Variants in SEC16B observed in about 807,000 individuals in gnomAD.
SEC16B encodes the protein protein transport protein Sec16B.
Under a neutral mutation model 141.8 loss-of-function variants are expected in SEC16B, and 115 were observed. That is an observed-to-expected ratio of 0.81 (90% CI 0.70 to 0.95). The LOEUF (loss-of-function observed/expected upper bound fraction) is 0.95, where lower values mean the gene tolerates loss of function less well. SEC16B is among the 40% of genes least tolerant of loss of function. The probability of loss-of-function intolerance (pLI) is 0.00; values close to 1 mark genes in which losing one functional copy is unlikely to be tolerated. For missense variants in SEC16B, 1,291 were observed against 1,312.3 expected (o/e 0.98, Z 0.25); for synonymous variants, 493 against 492.5 (o/e 1.00, Z -0.01).
chr1:177,937,545 GA>G, intron 18 of SEC16B, 32 bp from the exon 19 acceptor site: 1 of 1,463,740 alleles, frequency 6.8e-7, no homozygotes, highest in Non-Finnish European at 9.1e-7. Flanking sequence ...AAAGAAGTCA[GA>G]CCTGAAATGC....
chr1:177,957,477 A>T (rs1419168304), intron 10 of SEC16B, among the ~76,000 whole-genome samples: 1 of 152,114 alleles, frequency 6.6e-6, no homozygotes, highest in African/African-American at 2.4e-5. Flanking sequence ...GCTGGAAGTA[A>T]ATGTATCAAA....
At chr1:177,941,784 C>A (rs747297856) in intron 16 of SEC16B, 116 bp downstream of exon 16, 211 of 1,225,814 alleles carry the variant, frequency 1.7e-4, no homozygotes, top group Non-Finnish European at 2.2e-4. Flanking sequence ...TGGCCGTGGG[C>A]TCCAATTTTA....
chr1:177,983,911 A>G (rs1654525998), intron 1 of SEC16B, among the ~76,000 whole-genome samples: 1 of 152,180 alleles, frequency 6.6e-6, no homozygotes, highest in Non-Finnish European at 1.5e-5. Context: ...TTAACAATCC[A>G]TTCCATCCCC....
chr1:177,960,236 AT>A lies in SEC16B; in HGVS notation c.998+105del, dbSNP rs529869616. ...GAATTCCACTCCAACAAGGACAGAT[AT>A]TTTTTTCCAAGGAAACCAAGAACAA... On this transcript the variant is annotated intron_variant, in intron 8 of 25. Coordinates refer to ENST00000308284, the MANE Select transcript of SEC16B (RefSeq NM_033127.4). The A allele has an allele frequency of 1.8e-3, 1,358 of 774,756 alleles. 5 individuals carry two copies. The highest frequency in any genetic ancestry group is 2.6e-3 in the Non-Finnish European group (1,151 of 449,278). 48.0% of individuals were successfully genotyped at this position (774,756 alleles called of 1,614,324 possible). A position where few individuals can be genotyped will look rare whatever the true frequency, so the allele number is the denominator to read the frequency against.
At chr1:177,963,853 G>A (rs946560421) in intron 5 of SEC16B, among the ~76,000 whole-genome samples, 1 of 152,180 alleles carries the variant, frequency 6.6e-6, no homozygotes, top group African/African-American at 2.4e-5. Context: ...GTCCCCTGGG[G>A]TCCCTAACAC....
At chr1:177,932,340 G>C in intron 24 of SEC16B, 150 bp downstream of exon 24, 1 of 563,668 alleles carries the variant, frequency 1.8e-6, no homozygotes, top group Non-Finnish European at 2.9e-6. Flanking sequence ...CTGTTCTGTG[G>C]TACTTTGTTA....
chr1:177,965,400 G>GGTGTGT (rs71108021), intron 3 of SEC16B, among the ~76,000 whole-genome samples: 1 of 151,116 alleles, frequency 6.6e-6, no homozygotes, highest in Non-Finnish European at 1.5e-5. Flanking sequence ...GATGGGGATT[G>GGTGTGT]GTGTGTGTGT....
At chr1:177,950,500 T>C (rs930476699) in intron 12 of SEC16B, among the ~76,000 whole-genome samples, 7 of 151,910 alleles carry the variant, frequency 4.6e-5, no homozygotes, top group Non-Finnish European at 8.8e-5. Context: ...TTATGTAATA[T>C]GAGAAAACAA....
At chr1:177,950,152 A>C (rs371174137) in intron 12 of SEC16B, among the ~76,000 whole-genome samples, 1 of 14,652 alleles carries the variant, frequency 6.8e-5, no homozygotes, top group African/African-American at 1.7e-3. Context: ...TAAGAAGGAT[A>C]AAAAAAAAAA....
In SEC16B at chr1:177,929,949, A is replaced by G. The variant is rs781123836; in HGVS notation, c.3112-20T>C. The G allele has an allele frequency of 1.4e-5, 23 of 1,612,330 alleles. No individual in the cohort carries two copies. The highest frequency in any genetic ancestry group is 1.7e-4 in the Middle Eastern group (1 of 6,026). On this transcript the variant is annotated intron_variant, in intron 25 of 25. Transcript: ENST00000308284. ...GGGCAGCTGGAAAAGAAGAACAAAT[A>G]TTACACTGAGTACAGCCCCAAACAT...
At chr1:177,932,410 C>T in intron 24 of SEC16B, 80 bp downstream of exon 24, 1 of 1,088,866 alleles carries the variant, frequency 9.2e-7, no homozygotes, top group East Asian at 2.7e-5. Flanking sequence ...CAGGAGTCAG[C>T]ACTGCCCACA....
chr1:177,954,918 T>C (rs1652482373), intron 10 of SEC16B, among the ~76,000 whole-genome samples: 1 of 152,094 alleles, frequency 6.6e-6, no homozygotes, highest in South Asian at 2.1e-4. Flanking sequence ...AAACAAGAAA[T>C]TAAATATTTA....
At position 177,960,619 on chromosome 1, in the gene SEC16B, C is replaced by A. The variant is rs1193722589; in HGVS notation, c.936+172G>T. 8.2e-6 allele frequency: 6 copies of A among 727,974 alleles called. No homozygotes were observed. The East Asian group carries it at 1.3e-4, about 16-fold the overall frequency. 45.1% of individuals were successfully genotyped at this position (727,974 alleles called of 1,614,324 possible). On this transcript the variant is annotated intron_variant, in intron 7 of 25. Transcript: ENST00000308284. ...TAGCATCAATTCTTTCAGAGAAGAGCCCCACCCATTCCTGCACCCTCCTAA... is the reference window on the plus strand; with the variant it reads ...TAGCATCAATTCTTTCAGAGAAGAGACCCACCCATTCCTGCACCCTCCTAA...
At chr1:177,942,783 G>T (rs1011664515) in intron 15 of SEC16B, among the ~76,000 whole-genome samples, 19 of 152,200 alleles carry the variant, frequency 1.2e-4, no homozygotes, top group African/African-American at 4.6e-4. Context: ...AGGATCAAGT[G>T]TGAGGGCTTT....
upstream of SEC16B, among the ~76,000 whole-genome samples, chr1:177,974,119 C>T (rs114647273): frequency 0.025 from 3,421 of 138,994 alleles, 129 homozygotes; most frequent in African/African-American, 0.092. Flanking sequence ...AGATGAAATG[C>T]TACCTTTTTT....
intron 4 of SEC16B, among the ~76,000 whole-genome samples, chr1:177,964,823 G>A (rs1319420653): frequency 2.0e-5 from 3 of 152,130 alleles, no homozygotes; most frequent in African/African-American, 7.2e-5. Context: ...ACTCAGACTC[G>A]CCCAGCTTTG....
intron 12 of SEC16B, among the ~76,000 whole-genome samples, chr1:177,949,960 AT>A: frequency 6.6e-6 from 1 of 151,718 alleles, no homozygotes; most frequent in Non-Finnish European, 1.5e-5. Flanking sequence ...AAAAAAAAAA[AT>A]GAACCATAGC....
At chr1:177,943,246 G>T (rs1651417711) in intron 15 of SEC16B, among the ~76,000 whole-genome samples, 1 of 152,198 alleles carries the variant, frequency 6.6e-6, no homozygotes, top group Non-Finnish European at 1.5e-5. Flanking sequence ...ATGGGGCAAG[G>T]TTTTGCTGGA....
intron 2 of SEC16B, among the ~76,000 whole-genome samples, chr1:177,966,764 G>A (rs566549403): frequency 6.9e-4 from 105 of 152,054 alleles, no homozygotes; most frequent in African/African-American, 2.3e-3. Context: ...TAGTAGAGGC[G>A]GGGTTTCACC....
Sources: allele counts gnomAD v4.1 joint callset (sites outside exome capture counted in the v4.1 genomes callset), GRCh38; gene constraint gnomAD v4.1.1; transcripts MANE v1.5; gene names NCBI Gene and HGNC (gene_info 2026-07-23, HGNC 2026-07-21).